BMPR1B: variants seen among roughly 807,000 people sequenced by gnomAD.
The protein encoded by BMPR1B is bone morphogenetic protein receptor type-1B.
A neutral mutation model predicts 59.1 loss-of-function variants in BMPR1B; 12 were observed. The observed-to-expected ratio is 0.20, with a 90% CI of 0.13 to 0.33. BMPR1B has a LOEUF of 0.33. BMPR1B is among the 10% of genes least tolerant of loss of function. BMPR1B has a pLI of 1.00. For missense variants in BMPR1B, 550 were observed against 610.9 expected (o/e 0.90, Z 1.05); for synonymous variants, 237 against 207.3 (o/e 1.14, Z -1.23).
chr4:94,878,109 G>A (rs1369718815), intron 2 of BMPR1B, among the ~76,000 whole-genome samples: 2 of 152,104 alleles, frequency 1.3e-5, no homozygotes, highest in Admixed American at 6.6e-5. Flanking sequence ...CCTGACCGTG[G>A]AATAATTAGA....
At chr4:94,907,184 G>A (rs547592676) in intron 2 of BMPR1B, among the ~76,000 whole-genome samples, 17 of 152,194 alleles carry the variant, frequency 1.1e-4, no homozygotes, top group African/African-American at 3.1e-4. Flanking sequence ...TAAGTGCATC[G>A]TGGAAAAGCT....
At chr4:95,131,656 T>C in intron 10 of BMPR1B, 144 bp downstream of exon 10, 1 of 953,122 alleles carries the variant, frequency 1.0e-6, no homozygotes, top group Admixed American at 2.2e-5. Flanking sequence ...AAACATTTTA[T>C]TAGCAACACA....
chr4:95,096,848 G>A (rs1460745423), intron 3 of BMPR1B, among the ~76,000 whole-genome samples: 7 of 131,392 alleles, frequency 5.3e-5, no homozygotes, highest in South Asian at 2.4e-4. Flanking sequence ...AAATATATAG[G>A]TATATAAATA....
intron 1 of BMPR1B, among the ~76,000 whole-genome samples, chr4:94,764,912 A>G (rs1178067419): frequency 6.6e-6 from 1 of 152,174 alleles, no homozygotes; most frequent in East Asian, 1.9e-4. Flanking sequence ...GGAAGGGGGC[A>G]GGAAATAAAC....
chr4:94,906,845 TC>T (rs1176385175), intron 2 of BMPR1B, among the ~76,000 whole-genome samples: 1 of 152,034 alleles, frequency 6.6e-6, no homozygotes, highest in African/African-American at 2.4e-5. Context: ...TAAAAACAGT[TC>T]CTAATGACTA....
chr4:94,814,645 A>C (rs768474527), intron 1 of BMPR1B, among the ~76,000 whole-genome samples: 1 of 152,224 alleles, frequency 6.6e-6, no homozygotes, highest in Non-Finnish European at 1.5e-5. Flanking sequence ...TTAATGCATA[A>C]AGAGTGCTTA....
At chr4:94,977,490 T>C (rs1343453718) in intron 2 of BMPR1B, among the ~76,000 whole-genome samples, 3 of 152,048 alleles carry the variant, frequency 2.0e-5, no homozygotes, top group Non-Finnish European at 2.9e-5. Context: ...TTTTTTTTTT[T>C]TTTTTTAGTT....
chr4:94,992,050 T>C (rs570260109), intron 2 of BMPR1B, among the ~76,000 whole-genome samples: 4 of 152,316 alleles, frequency 2.6e-5, no homozygotes, highest in African/African-American at 9.6e-5. Flanking sequence ...CCCAGCTCCA[T>C]GTTCCAAAGT....
chr4:94,990,870 G>A (rs907290472), intron 2 of BMPR1B, among the ~76,000 whole-genome samples: 21 of 152,056 alleles, frequency 1.4e-4, no homozygotes, highest in African/African-American at 2.2e-4. Context: ...CTTCGTGGCC[G>A]AACTTTTTGA....
At chr4:95,112,521 G>T (rs1037356895) in intron 4 of BMPR1B, among the ~76,000 whole-genome samples, 3 of 152,142 alleles carry the variant, frequency 2.0e-5, no homozygotes, top group Admixed American at 2.0e-4. Context: ...GTTCCTTGCT[G>T]GAGAGCAATG....
intron 8 of BMPR1B, among the ~76,000 whole-genome samples, chr4:95,125,994 G>A (rs753498342): frequency 1.2e-4 from 18 of 152,008 alleles, no homozygotes; most frequent in Admixed American, 9.8e-4. Flanking sequence ...ATATATCCAC[G>A]TCATTGCAAA....
chr4:95,039,421 CTTTT>C (rs35591365), intron 3 of BMPR1B, among the ~76,000 whole-genome samples: 3 of 140,952 alleles, frequency 2.1e-5, no homozygotes, highest in Non-Finnish European at 3.1e-5. Flanking sequence ...TTTACTTCTT[CTTTT>C]TTTTTTTTTT....
intron 1 of BMPR1B, among the ~76,000 whole-genome samples, chr4:94,780,199 C>T (rs776455897): frequency 3.3e-5 from 5 of 152,134 alleles, no homozygotes; most frequent in Non-Finnish European, 5.9e-5. Flanking sequence ...CACTAGCCCT[C>T]AGTAGCCACT....
chr4:95,131,810 C>G (rs1733380936), intron 10 of BMPR1B, among the ~76,000 whole-genome samples: 1 of 152,118 alleles, frequency 6.6e-6, no homozygotes, highest in Non-Finnish European at 1.5e-5. Context: ...TTCTGCATAA[C>G]ATTTGCAAGT....
intron 3 of BMPR1B, among the ~76,000 whole-genome samples, chr4:95,070,014 G>A (rs998911638): frequency 1.3e-5 from 2 of 152,142 alleles, no homozygotes; most frequent in African/African-American, 2.4e-5. Context: ...CAGGAGAATC[G>A]CTTGAACCCG....
chr4:95,119,179 GTATC>G (rs1447079463), intron 6 of BMPR1B, among the ~76,000 whole-genome samples: 2 of 152,108 alleles, frequency 1.3e-5, no homozygotes, highest in African/African-American at 2.4e-5. Flanking sequence ...TTTTGGTTGA[GTATC>G]TAGCATTCTC....
intron 2 of BMPR1B, among the ~76,000 whole-genome samples, chr4:94,940,369 G>T (rs893043527): frequency 2.6e-5 from 4 of 152,118 alleles, no homozygotes; most frequent in Admixed American, 1.3e-4. Flanking sequence ...TATATTTTAT[G>T]TGTGGCCCAA....
chr4:94,924,994 T>G (rs1399563483), intron 2 of BMPR1B, among the ~76,000 whole-genome samples: 1 of 152,190 alleles, frequency 6.6e-6, no homozygotes, highest in Non-Finnish European at 1.5e-5. Context: ...CCTGGCCACT[T>G]AGACTGTAGT....
intron 3 of BMPR1B, among the ~76,000 whole-genome samples, chr4:95,047,949 G>T (rs1453567093): frequency 6.6e-6 from 1 of 152,114 alleles, no homozygotes; most frequent in Non-Finnish European, 1.5e-5. Flanking sequence ...GAGCCTGCGT[G>T]TCTCCTTCCC....
Sources: gnomAD v4.1 joint callset for allele counts (sites outside exome capture counted in the v4.1 genomes callset) on GRCh38, gnomAD v4.1.1 for gene constraint, MANE v1.5 for transcripts, NCBI Gene and HGNC (gene_info 2026-07-23, HGNC 2026-07-21) for gene names.